The following SPEF2 variants were observed in gnomAD, a reference collection of about 807,000 sequenced individuals.
SPEF2 encodes sperm flagellar and cilia associated 2, also known as sperm flagella and cilia-associated protein 2.
A neutral mutation model predicts 224.6 loss-of-function variants in SPEF2; 187 were observed. The observed-to-expected ratio is 0.83, with a 90% CI of 0.74 to 0.94. The LOEUF (loss-of-function observed/expected upper bound fraction) is 0.94, where lower values mean the gene tolerates loss of function less well. Among genes scored for constraint, SPEF2 ranks in the 40% least tolerant of loss-of-function variants. The pLI, the probability that SPEF2 is intolerant of heterozygous loss-of-function variation, is 0.00. For synonymous variants in SPEF2, 715 were observed against 707.3 expected, an observed-to-expected ratio of 1.01 and a Z score of -0.17; for missense variants, 2,170 against 2,135.6, an observed-to-expected ratio of 1.02 and a Z score of -0.32.
chr5:35,768,958 T>C (rs1252856641), intron 26 of SPEF2, among the ~76,000 whole-genome samples: 1 of 152,136 alleles, frequency 6.6e-6, no homozygotes, highest in Non-Finnish European at 1.5e-5. Context: ...TTTCTTCTAA[T>C]TAGTGGGTAT....
intron 1 of SPEF2, among the ~76,000 whole-genome samples, chr5:35,620,708 ATTAG>A (rs1437266110): frequency 2.6e-5 from 4 of 152,218 alleles, no homozygotes; most frequent in Admixed American, 6.5e-5. Context: ...ATTACAAAGA[ATTAG>A]TTAGCTGCTA....
At chr5:35,740,292 A>G in intron 23 of SPEF2, 25 bp downstream of exon 23, 2 of 1,612,954 alleles carry the variant, frequency 1.2e-6, no homozygotes, top group Non-Finnish European at 1.7e-6. Context: ...ACCTATTGGG[A>G]CAGGGTTAGC....
intron 10 of SPEF2, among the ~76,000 whole-genome samples, chr5:35,677,213 A>G (rs1277455000): frequency 6.6e-6 from 1 of 152,192 alleles, no homozygotes; most frequent in African/African-American, 2.4e-5. Context: ...ATCCCTGGCT[A>G]GGTAATAGCA....
At chr5:35,692,539 G>T (rs1420216433) in intron 11 of SPEF2, 31 bp from the exon 12 acceptor site, 1 of 1,521,464 alleles carries the variant, frequency 6.6e-7, no homozygotes, top group Non-Finnish European at 8.9e-7. Flanking sequence ...CAAATGAAAA[G>T]CTATTTATAA....
intron 26 of SPEF2, 121 bp from the exon 27 acceptor site, chr5:35,771,488 C>T (rs577574658): frequency 3.3e-5 from 42 of 1,270,258 alleles, no homozygotes; most frequent in South Asian, 2.8e-4. Flanking sequence ...AGTTCGAGTA[C>T]GTGGGCACAA....
chr5:35,777,359 C>G (rs1278727857), intron 29 of SPEF2, among the ~76,000 whole-genome samples: 4 of 151,996 alleles, frequency 2.6e-5, no homozygotes, highest in African/African-American at 9.7e-5. Context: ...CAAACACAAG[C>G]ATAAGTAAGC....
chr5:35,646,805 G>C lies in SPEF2; in HGVS notation c.724G>C (p.Glu242Gln). 1.2e-6 allele frequency: 2 copies of C among 1,613,584 alleles called. No homozygotes were observed. Among genetic ancestry groups the C allele is most frequent in the Non-Finnish European group, 1.7e-6 (2 of 1,179,752 alleles). The change falls in exon 5 of 37, where the codon GAA (glutamate) becomes CAA (glutamine). Residue 242 changes from glutamate to glutamine, a missense_variant and splice_region_variant. Coordinates refer to ENST00000356031, the MANE Select transcript of SPEF2 (RefSeq NM_024867.4). ...QKMMKKKKEA[E>Q]DVADEIKKFE... ...AATGATGAAAAAGAAAAAAGAGGCAGAAGTAAGTGATAATCCTTTAATATT... is the reference window on the plus strand; with the variant it reads ...AATGATGAAAAAGAAAAAAGAGGCACAAGTAAGTGATAATCCTTTAATATT...
At chr5:35,715,152 A>G (rs751107499) in intron 20 of SPEF2, among the ~76,000 whole-genome samples, 29 of 152,210 alleles carry the variant, frequency 1.9e-4, no homozygotes, top group Non-Finnish European at 3.1e-4. Context: ...CCTGGGCTCA[A>G]GCAATCTCCC....
At chr5:35,769,033 G>T (rs1752447838) in intron 26 of SPEF2, among the ~76,000 whole-genome samples, 1 of 152,120 alleles carries the variant, frequency 6.6e-6, no homozygotes, top group Non-Finnish European at 1.5e-5. Context: ...TATGTCTAAA[G>T]TTCTCTCCAG....
chr5:35,655,797 A>G (rs928995977), intron 7 of SPEF2, among the ~76,000 whole-genome samples: 3 of 152,234 alleles, frequency 2.0e-5, no homozygotes, highest in Non-Finnish European at 4.4e-5. Context: ...TAAGATACAC[A>G]GAAAGAAATA....
chr5:35,784,331 T>C (rs891013167), intron 30 of SPEF2, among the ~76,000 whole-genome samples: 4 of 152,234 alleles, frequency 2.6e-5, no homozygotes, highest in African/African-American at 9.6e-5. Context: ...GGTTTCGCCA[T>C]GTTAGCCAGG....
chr5:35,792,266 G>T, intron 30 of SPEF2, 74 bp from the exon 31 acceptor site: 2 of 1,112,286 alleles, frequency 1.8e-6, no homozygotes, highest in East Asian at 4.9e-5. Flanking sequence ...AATACTCATT[G>T]CTTCTATTTT....
rs1355393162 is a variant in SPEF2 at position 35,790,102 on chromosome 5, T to C, written c.4448-2238T>C. ...CACAAGTATCCAAATATCCTGACAC[T>C]AGTCGACCTAGTGTTGACCCTTCCT... On this transcript the variant is annotated intron_variant, in intron 30 of 36. Transcript: ENST00000356031. The C allele has an allele frequency of 5.7e-6, 4 of 702,930 alleles. No individual in the cohort carries two copies. In the Admixed American group the frequency reaches 6.0e-5, roughly 11 times the overall value. 43.5% of individuals were successfully genotyped at this position (702,930 alleles called of 1,614,324 possible). A position where few individuals can be genotyped will look rare whatever the true frequency, so the allele number is the denominator to read the frequency against.
At chr5:35,723,784 T>C (rs1158076981) in intron 20 of SPEF2, among the ~76,000 whole-genome samples, 1 of 152,190 alleles carries the variant, frequency 6.6e-6, no homozygotes, top group Non-Finnish European at 1.5e-5. Flanking sequence ...ATTTCTAAAA[T>C]AGATTTTTAT....
chr5:35,694,267 ATG>A lies in SPEF2; in HGVS notation c.1900-15_1900-14del. 3 of 1,604,022 alleles carry A rather than the reference ATG, an allele frequency of 1.9e-6. No individual in the cohort carries two copies. Among genetic ancestry groups the A allele is most frequent in the Non-Finnish European group, 2.6e-6 (3 of 1,171,802 alleles). On this transcript the variant is annotated intron_variant, in intron 12 of 36. Transcript: ENST00000356031. ...TATAGCAATGGTAAAATCCCTCCCT[ATG>A]TGTGTTTTCTCTCCAAAGGATCCAC...
intron 26 of SPEF2, among the ~76,000 whole-genome samples, chr5:35,769,145 T>C (rs1221205970): frequency 6.6e-6 from 1 of 152,148 alleles, no homozygotes; most frequent in African/African-American, 2.4e-5. Flanking sequence ...CAGACAATTA[T>C]GATGCATAAT....
Position 35,740,158 on chromosome 5 carries a change from C to G in SPEF2, c.3221C>G (p.Pro1074Arg). 1 of 1,614,020 alleles carries G rather than the reference C, an allele frequency of 6.2e-7. No homozygotes were observed. The stretch of plus-strand genomic sequence containing the variant: ...AGTTTCCAGGAGTTTCTAAAGCGTC[C>G]GGATCACAAGCAAGATTTTGTAGCT... ...RTSFQEFLKRPDHKQDFVAQW... is the reference protein window; with the variant it reads ...RTSFQEFLKRRDHKQDFVAQW... The change falls in exon 23 of 37, where the codon CCG becomes CGG. Residue 1074 changes from proline to arginine, a missense_variant. Pro to Arg is a moderately radical substitution (Grantham distance 103). Coordinates refer to ENST00000356031, the MANE Select transcript of SPEF2 (RefSeq NM_024867.4).
intron 6 of SPEF2, among the ~76,000 whole-genome samples, chr5:35,652,283 A>G (rs185130100): frequency 9.1e-4 from 139 of 152,296 alleles, no homozygotes; most frequent in African/African-American, 3.1e-3. Flanking sequence ...TTTGTTAAGT[A>G]TATTATTGAC....
intron 14 of SPEF2, among the ~76,000 whole-genome samples, chr5:35,696,636 G>T (rs538531766): frequency 6.6e-6 from 1 of 152,250 alleles, no homozygotes; most frequent in South Asian, 2.1e-4. Flanking sequence ...CAAAAGACAG[G>T]ATTTCCTGCC....
Sources: allele counts gnomAD v4.1 joint callset (sites outside exome capture counted in the v4.1 genomes callset), GRCh38; gene constraint gnomAD v4.1.1; transcripts MANE v1.5; gene names NCBI Gene and HGNC (gene_info 2026-07-23, HGNC 2026-07-21).